MAPK9: variants seen among roughly 807,000 people sequenced by gnomAD.
MAPK9 encodes mitogen-activated protein kinase 9.
Under a neutral mutation model 57.1 loss-of-function variants are expected in MAPK9, and 30 were observed. That is an observed-to-expected ratio of 0.53 (90% CI 0.39 to 0.71). The LOEUF (loss-of-function observed/expected upper bound fraction) is 0.71, where lower values mean the gene tolerates loss of function less well. Among genes scored for constraint, MAPK9 ranks in the 30% least tolerant of loss-of-function variants. The pLI is 0.00. For synonymous variants in MAPK9, 155 were observed against 177.0 expected (o/e 0.88, Z 0.99); for missense variants, 362 against 521.0 (o/e 0.69, Z 2.97).
intron 1 of MAPK9, among the ~76,000 whole-genome samples, chr5:180,291,189 G>C (rs4274946): frequency 0.16 from 24,947 of 152,086 alleles, 2,215 homozygotes; most frequent in South Asian, 0.25. Context: ...TGAGTGGGAC[G>C]GGGCAGCAGT....
intron 7 of MAPK9, chr5:180,245,961 C>T (rs899359229): frequency 2.6e-5 from 4 of 152,124 alleles, no homozygotes; most frequent in Non-Finnish European, 5.9e-5. Context: ...CTCTGTGTGG[C>T]TTTTGGGAAT....
intron 3 of MAPK9, 75 bp from the exon 4 acceptor site, chr5:180,264,914 G>A: frequency 8.4e-7 from 1 of 1,193,564 alleles, no homozygotes. Context: ...ATATTGAAAT[G>A]CATTAAGACG....
rs534819651 is a variant in MAPK9 at position 180,275,199 on chromosome 5, G to A, written c.122+5241C>T. ...TGTGTGCCTAGACTGGGCCTTGCACGTATAAAACTGTTTGCTATCTAGAAA... is the reference window on the plus strand; with the variant it reads ...TGTGTGCCTAGACTGGGCCTTGCACATATAAAACTGTTTGCTATCTAGAAA... On this transcript the variant is annotated intron_variant, in intron 2 of 11. Transcript: ENST00000452135. 5.9e-5 allele frequency among the ~76,000 whole-genome samples: 9 copies of A among 152,080 alleles called. No homozygotes were observed. In the South Asian group the frequency reaches 6.2e-4, roughly 11 times the overall value.
intron 8 of MAPK9, among the ~76,000 whole-genome samples, chr5:180,241,560 A>G (rs1357522874): frequency 6.6e-6 from 1 of 152,244 alleles, no homozygotes; most frequent in East Asian, 1.9e-4. Context: ...CAGCCTCCCA[A>G]AGTGCTGGGA....
intron 5 of MAPK9, among the ~76,000 whole-genome samples, chr5:180,254,923 A>ACTC (rs761629212): frequency 2.0e-5 from 3 of 152,208 alleles, no homozygotes; most frequent in East Asian, 3.9e-4. Context: ...AGTCCTAGCC[A>ACTC]CTAGGGAGGC....
intron 9 of MAPK9, 37 bp downstream of exon 9, chr5:180,240,994 G>A (rs113577474): frequency 6.3e-7 from 1 of 1,586,124 alleles, no homozygotes; most frequent in South Asian, 1.1e-5. Flanking sequence ...TATAAGCCTG[G>A]CCTCTCTATA....
chr5:180,237,589 C>G (rs1474475571), intron 11 of MAPK9: 1 of 152,128 alleles, frequency 6.6e-6, no homozygotes, highest in Admixed American at 6.5e-5. Context: ...TTGGGTGGGA[C>G]CAGTACAAAG....
chr5:180,269,513 G>C (rs1761052446), intron 2 of MAPK9, 104 bp from the exon 3 acceptor site: 5 of 1,115,754 alleles, frequency 4.5e-6, no homozygotes, highest in African/African-American at 1.6e-5. Context: ...AAGTAACAAG[G>C]AAAAATCTGC....
chr5:180,236,777 TGTGGCC>T, intron 11 of MAPK9: 1 of 349,126 alleles, frequency 2.9e-6, no homozygotes, highest in Non-Finnish European at 5.2e-6. Flanking sequence ...TAAACATATA[TGTGGCC>T]ATGTATAATC....
rs113917465 is a variant in MAPK9 at position 180,238,019 on chromosome 5, C to T, written c.1132+313G>A. On this transcript the variant is annotated intron_variant, in intron 11 of 11. Coordinates refer to ENST00000452135, the MANE Select transcript of MAPK9 (RefSeq NM_002752.5). ...AGGCATGGTGGTGCGTGCCTGTAAT[C>T]CCACCACTTTGGGAGGCTGAGGCGG... The T allele has an allele frequency of 7.8e-3, 1,575 of 202,422 alleles. 22 individuals are homozygous for T. The highest frequency in any genetic ancestry group is 0.026 in the Admixed American group (438 of 17,152). The allele number at this position is 202,422 out of a possible 1,614,324, so 12.5% of individuals were successfully genotyped here.
intron 1 of MAPK9, among the ~76,000 whole-genome samples, chr5:180,281,126 G>A (rs1475765817): frequency 6.6e-6 from 1 of 152,258 alleles, no homozygotes; most frequent in Non-Finnish European, 1.5e-5. Flanking sequence ...GTGACAGGCT[G>A]TCAGAGGCCT....
chr5:180,278,113 G>A (rs1442421688), intron 2 of MAPK9, among the ~76,000 whole-genome samples: 1 of 152,140 alleles, frequency 6.6e-6, no homozygotes, highest in African/African-American at 2.4e-5. Flanking sequence ...ACAGAAGGTG[G>A]GTCAGAGGCC....
At chr5:180,278,799 C>T (rs1762056602) in intron 2 of MAPK9, among the ~76,000 whole-genome samples, 1 of 147,282 alleles carries the variant, frequency 6.8e-6, no homozygotes, top group African/African-American at 2.6e-5. Flanking sequence ...TCTCCTTTTT[C>T]TCTCTCTCTC....
intron 7 of MAPK9, among the ~76,000 whole-genome samples, chr5:180,243,992 C>G (rs1468042709): frequency 6.6e-6 from 1 of 152,112 alleles, no homozygotes; most frequent in East Asian, 1.9e-4. Flanking sequence ...GGACTACAGG[C>G]ACCTGCCATA....
chr5:180,252,744 G>A (rs35032223), intron 5 of MAPK9, among the ~76,000 whole-genome samples: 1,777 of 152,284 alleles, frequency 0.012, 32 homozygotes, highest in African/African-American at 0.04. Context: ...AGACACAGAC[G>A]GCTCAGGAAT....
intron 2 of MAPK9, among the ~76,000 whole-genome samples, chr5:180,273,846 G>A (rs925961678): frequency 5.3e-5 from 8 of 152,132 alleles, no homozygotes; most frequent in African/African-American, 1.4e-4. Context: ...TGCACCACAC[G>A]ACACCAGCTT....
chr5:180,279,705 GAAAAA>G, intron 2 of MAPK9: 1 of 359,308 alleles, frequency 2.8e-6, no homozygotes. Context: ...AAAAGAAAAA[GAAAAA>G]AAAAAGTTCT....
chr5:180,276,679 CCCCAT>C (rs1407935879), intron 2 of MAPK9, among the ~76,000 whole-genome samples: 1 of 152,080 alleles, frequency 6.6e-6, no homozygotes, highest in African/African-American at 2.4e-5. Context: ...CATGGTGAAA[CCCCAT>C]CTCTACTAAA....
chr5:180,236,287 TG>T lies in MAPK9; in HGVS notation c.*96del. 3.8e-6 allele frequency: 5 copies of T among 1,327,296 alleles called. No individual in the cohort carries two copies. Among genetic ancestry groups the T allele is most frequent in the South Asian group, 1.6e-5 (1 of 62,624 alleles). 82.2% of individuals were successfully genotyped at this position (1,327,296 alleles called of 1,614,324 possible). On this transcript the variant is annotated 3_prime_UTR_variant, in exon 12 of 12. Coordinates refer to ENST00000452135, the MANE Select transcript of MAPK9 (RefSeq NM_002752.5). ...CATTGTGTTTCTTACATGCAGAACA[TG>T]GAGTTTTTCTATTTGGTTCCATCAA...
Sources: allele counts gnomAD v4.1 joint callset (sites outside exome capture counted in the v4.1 genomes callset), GRCh38; gene constraint gnomAD v4.1.1; transcripts MANE v1.5; gene names NCBI Gene and HGNC (gene_info 2026-07-23, HGNC 2026-07-21).